FARS2: variants seen among roughly 807,000 people sequenced by gnomAD.
FARS2 encodes the protein phenylalanyl-tRNA synthetase 2, mitochondrial, also known as phenylalanine--tRNA ligase, mitochondrial.
A neutral mutation model predicts 46.4 loss-of-function variants in FARS2; 40 were observed. That is an observed-to-expected ratio of 0.86 (90% CI 0.67 to 1.12). FARS2 has a LOEUF of 1.12. Among genes scored for constraint, FARS2 ranks in the 50% most tolerant of loss-of-function variants. The pLI is 0.00. For synonymous variants in FARS2, 234 were observed against 214.9 expected, an observed-to-expected ratio of 1.09 and a Z score of -0.78; for missense variants, 513 against 567.9, an observed-to-expected ratio of 0.90 and a Z score of 0.98.
chr6:5,453,111 G>A (rs566303884), intron 4 of FARS2, among the ~76,000 whole-genome samples: 2 of 152,166 alleles, frequency 1.3e-5, no homozygotes, highest in African/African-American at 4.8e-5. Context: ...AAATTGTGGA[G>A]GACTAAAGCA....
At chr6:5,558,161 G>A (rs1020451517) in intron 5 of FARS2, among the ~76,000 whole-genome samples, 9 of 152,104 alleles carry the variant, frequency 5.9e-5, no homozygotes, top group South Asian at 2.1e-4. Flanking sequence ...TTTCTGTGTC[G>A]TTAACTTCCC....
rs116464361 is a variant in FARS2 at position 5,426,631 on chromosome 6, A to T, written c.773-4410A>T. 3.9e-3 allele frequency among the ~76,000 whole-genome samples: 601 copies of T among 152,268 alleles called. 2 individuals carry two copies. The highest frequency in any genetic ancestry group is 0.014 in the African/African-American group (582 of 41,556). On this transcript the variant is annotated intron_variant, in intron 3 of 6. Transcript: ENST00000274680. ...TAATGTGTCAATGTAACAATTAATT[A>T]ATTTATTTATTTGAGACTGAACCTT... is the stretch of plus-strand genomic sequence containing the variant.
At chr6:5,420,618 A>G (rs894626775) in intron 3 of FARS2, among the ~76,000 whole-genome samples, 7 of 152,180 alleles carry the variant, frequency 4.6e-5, no homozygotes, top group African/African-American at 1.7e-4. Context: ...CTTCAACGCC[A>G]TGTCTCACAT....
chr6:5,448,332 G>T (rs1468231273), intron 4 of FARS2, among the ~76,000 whole-genome samples: 3 of 152,170 alleles, frequency 2.0e-5, no homozygotes, highest in Non-Finnish European at 4.4e-5. Flanking sequence ...TGGGGTGTGA[G>T]TGTGCCTGTG....
At chr6:5,283,960 A>G (rs1304830663) in intron 1 of FARS2, among the ~76,000 whole-genome samples, 1 of 152,240 alleles carries the variant, frequency 6.6e-6, no homozygotes, top group African/African-American at 2.4e-5. Flanking sequence ...TTGCCGAAAT[A>G]AAGGATATAT....
chr6:5,630,872 G>A lies in FARS2; in HGVS notation c.1217+17552G>A, dbSNP rs956149344. On this transcript the variant is annotated intron_variant, in intron 6 of 6. Transcript: ENST00000274680. The surrounding 1 kb of genome is among the most constrained non-coding windows in gnomAD (Gnocchi z 4.2). ...CAAATTAAGACCTGAAAATATGAAT[G>A]GAGTCTGAGCGATGCTTTGATCAGC... 1.3e-5 allele frequency among the ~76,000 whole-genome samples: 2 copies of A among 152,176 alleles called. No homozygotes were observed. The highest frequency in any genetic ancestry group is 4.8e-5 in the African/African-American group (2 of 41,438).
At chr6:5,392,932 G>GTATATACATATA (rs747187728) in intron 2 of FARS2, among the ~76,000 whole-genome samples, 1 of 94,238 alleles carries the variant, frequency 1.1e-5, no homozygotes, top group Non-Finnish European at 1.9e-5. Flanking sequence ...ATACATATAT[G>GTATATACATATA]TGTGTGTGTA....
chr6:5,374,429 A>G (rs1323688166), intron 2 of FARS2, among the ~76,000 whole-genome samples: 1 of 152,128 alleles, frequency 6.6e-6, no homozygotes, highest in Non-Finnish European at 1.5e-5. Context: ...AATTAAAGAT[A>G]AAAGCATTCA....
intron 6 of FARS2, among the ~76,000 whole-genome samples, chr6:5,627,921 G>C (rs1178956280): frequency 6.7e-6 from 1 of 148,302 alleles, no homozygotes; most frequent in Non-Finnish European, 1.5e-5. Flanking sequence ...CTAGGGTGGA[G>C]AATACTCCTT....
At chr6:5,759,479 C>T (rs1464780882) in intron 6 of FARS2, among the ~76,000 whole-genome samples, 1 of 152,108 alleles carries the variant, frequency 6.6e-6, no homozygotes, top group African/African-American at 2.4e-5. Context: ...GTCCTCAGTA[C>T]CCAGCAGAAT....
intron 6 of FARS2, among the ~76,000 whole-genome samples, chr6:5,636,849 C>T (rs1418355608): frequency 1.3e-5 from 2 of 152,168 alleles, no homozygotes; most frequent in African/African-American, 2.4e-5. Flanking sequence ...GTGTCCACCT[C>T]GATCATTGAG....
At chr6:5,395,932 G>A (rs991314938) in intron 2 of FARS2, among the ~76,000 whole-genome samples, 1 of 152,166 alleles carries the variant, frequency 6.6e-6, no homozygotes, top group African/African-American at 2.4e-5. Flanking sequence ...GGTGATAAAT[G>A]TTTTTAATGT....
intron 4 of FARS2, among the ~76,000 whole-genome samples, chr6:5,476,803 A>T (rs1441416731): frequency 6.6e-6 from 1 of 152,124 alleles, no homozygotes; most frequent in East Asian, 1.9e-4. Context: ...CAGAGTGGAA[A>T]TGGGGAGAGG....
chr6:5,492,465 A>T (rs542851160), intron 4 of FARS2, among the ~76,000 whole-genome samples: 1 of 152,216 alleles, frequency 6.6e-6, no homozygotes, highest in African/African-American at 2.4e-5. Context: ...AAATATTACT[A>T]TTTATTGCTG....
At chr6:5,411,896 T>G (rs1761960114) in intron 3 of FARS2, among the ~76,000 whole-genome samples, 1 of 152,254 alleles carries the variant, frequency 6.6e-6, no homozygotes, top group Non-Finnish European at 1.5e-5. Flanking sequence ...AGTAGATCAT[T>G]TCTTTCAGAG....
At chr6:5,491,493 G>T (rs1258236947) in intron 4 of FARS2, among the ~76,000 whole-genome samples, 1 of 152,040 alleles carries the variant, frequency 6.6e-6, no homozygotes, top group Non-Finnish European at 1.5e-5. Context: ...AGAATCATGC[G>T]CCATTGATGG....
At chr6:5,552,048 C>T (rs1038144821) in intron 5 of FARS2, among the ~76,000 whole-genome samples, 1 of 152,144 alleles carries the variant, frequency 6.6e-6, no homozygotes, top group Non-Finnish European at 1.5e-5. Context: ...TATTATTTAG[C>T]CTATCACTTG....
chr6:5,262,363 A>C (rs1309595490), intron 1 of FARS2, among the ~76,000 whole-genome samples: 1 of 151,644 alleles, frequency 6.6e-6, no homozygotes, highest in Non-Finnish European at 1.5e-5. Context: ...ACTGCAACCT[A>C]TGCCTCCCAG....
intron 6 of FARS2, among the ~76,000 whole-genome samples, chr6:5,712,600 G>A (rs1163497050): frequency 1.3e-5 from 2 of 152,218 alleles, no homozygotes; most frequent in South Asian, 2.1e-4. Flanking sequence ...TAGGAGAAGC[G>A]AATTCACTCC....
Sources: allele counts gnomAD v4.1 joint callset (sites outside exome capture counted in the v4.1 genomes callset), GRCh38; gene constraint gnomAD v4.1.1; non-coding constraint Gnocchi (gnomAD v3.1); transcripts MANE v1.5; gene names NCBI Gene and HGNC (gene_info 2026-07-23, HGNC 2026-07-21).